The following FCF1 variants were observed in gnomAD, a reference collection of about 807,000 sequenced individuals.
FCF1 encodes the protein FCF1 rRNA-processing protein.
In FCF1, 17 loss-of-function variants were observed where a neutral mutation model predicts 32.5. That is an observed-to-expected ratio of 0.52 (90% CI 0.36 to 0.78). The LOEUF is 0.78. FCF1 is among the 30% of genes least tolerant of loss of function. The pLI is 0.00. For missense variants in FCF1, 201 were observed against 241.1 expected (o/e 0.83, Z 1.10); for synonymous variants, 84 against 78.4 (o/e 1.07, Z -0.38).
At chr14:74,715,696 T>G in intron 3 of FCF1, 1 of 630,302 alleles carries the variant, frequency 1.6e-6, no homozygotes, top group Non-Finnish European at 2.7e-6. Flanking sequence ...AAGAGCTAGA[T>G]TGGATAATTG....
intron 4 of FCF1, among the ~76,000 whole-genome samples, chr14:74,717,068 C>G (rs997668171): frequency 6.6e-6 from 1 of 152,058 alleles, no homozygotes. Context: ...GTGGCTCATA[C>G]CTGTAATCCC....
At chr14:74,726,059 T>A (rs2090574194) in intron 5 of FCF1, among the ~76,000 whole-genome samples, 1 of 151,666 alleles carries the variant, frequency 6.6e-6, no homozygotes, top group South Asian at 2.1e-4. Flanking sequence ...ACCTTGTCTC[T>A]TTAAAAAAGA....
chr14:74,733,775 A>G (rs1298296350), intron 6 of FCF1, among the ~76,000 whole-genome samples: 2 of 152,180 alleles, frequency 1.3e-5, no homozygotes, highest in Non-Finnish European at 2.9e-5. Context: ...GTCTGCCCCA[A>G]GTGTGAAAGT....
At chr14:74,733,504 G>C (rs1385107742) in intron 6 of FCF1, among the ~76,000 whole-genome samples, 1 of 152,152 alleles carries the variant, frequency 6.6e-6, no homozygotes, top group Non-Finnish European at 1.5e-5. Flanking sequence ...AGTCAGACGT[G>C]ACAGATGTGA....
intron 5 of FCF1, among the ~76,000 whole-genome samples, chr14:74,732,151 A>C (rs1243509577): frequency 7.1e-6 from 1 of 141,752 alleles, no homozygotes; most frequent in Non-Finnish European, 1.5e-5. Flanking sequence ...TAATTAAATC[A>C]TATTATATAT....
intron 5 of FCF1, 135 bp downstream of exon 5, chr14:74,723,479 G>A: frequency 3.3e-6 from 2 of 610,612 alleles, no homozygotes; most frequent in East Asian, 6.5e-5. Flanking sequence ...GGGTTGTTTT[G>A]GTCTTTCTCT....
chr14:74,723,859 A>AT (rs2090541155), intron 5 of FCF1, among the ~76,000 whole-genome samples: 1 of 152,256 alleles, frequency 6.6e-6, no homozygotes, highest in Non-Finnish European at 1.5e-5. Flanking sequence ...AATACAGAGA[A>AT]TATCTTAATG....
At chr14:74,721,088 G>A (rs924309710) in intron 4 of FCF1, among the ~76,000 whole-genome samples, 3 of 146,308 alleles carry the variant, frequency 2.1e-5, no homozygotes, top group East Asian at 2.0e-4. Context: ...TCTGTTACCC[G>A]GGTTGGAGTG....
chr14:74,718,968 A>G (rs930004917), intron 4 of FCF1, among the ~76,000 whole-genome samples: 1 of 151,656 alleles, frequency 6.6e-6, no homozygotes, highest in Non-Finnish European at 1.5e-5. Context: ...CATCTCTACT[A>G]AAAATACAAA....
chr14:74,713,992 C>T (rs2090374416), intron 2 of FCF1, among the ~76,000 whole-genome samples: 1 of 152,178 alleles, frequency 6.6e-6, no homozygotes, highest in South Asian at 2.1e-4. Context: ...AATGGGAAAA[C>T]TCCAAGATAT....
At chr14:74,713,377 C>A in intron 1 of FCF1, 108 bp from the exon 2 acceptor site, 2 of 1,544,776 alleles carry the variant, frequency 1.3e-6, no homozygotes, top group Non-Finnish European at 1.8e-6. Flanking sequence ...GGAAGAGGGT[C>A]TGGGTTATTT....
At position 74,735,711 on chromosome 14, in the gene FCF1, A is replaced by AGTAGGTG. The variant is rs2090698660; in HGVS notation, c.*782_*783insTAGGTGG. Reference sequence around the variant, plus strand: ...CAGCCTCCCGAGTAGCTGGGATTACAGGTACACACCACCATGCTCAACTAA... The same window carrying AGTAGGTG: ...CAGCCTCCCGAGTAGCTGGGATTACAGTAGGTGGGTACACACCACCATGCTCAACTAA... On this transcript the variant is annotated 3_prime_UTR_variant, in exon 8 of 8. Coordinates refer to ENST00000341162, the MANE Select transcript of FCF1 (RefSeq NM_015962.5). The AGTAGGTG allele has an allele frequency of 6.6e-6, 1 of 151,768 alleles. No individual in the cohort carries two copies. Among genetic ancestry groups the AGTAGGTG allele is most frequent in the African/African-American group, 2.4e-5 (1 of 41,130 alleles). The allele number at this position is 151,768 out of a possible 1,614,324, so 9.4% of individuals were successfully genotyped here. A position where few individuals can be genotyped will look rare whatever the true frequency, so the allele number is the denominator to read the frequency against.
intron 4 of FCF1, among the ~76,000 whole-genome samples, chr14:74,719,295 TAAA>T (rs1199789675): frequency 2.7e-4 from 38 of 141,740 alleles, no homozygotes; most frequent in Admixed American, 6.9e-4. Context: ...ACCCTGTCTT[TAAA>T]AAAAAAAAAA....
At chr14:74,727,269 T>C (rs1429554048) in intron 5 of FCF1, among the ~76,000 whole-genome samples, 34 of 151,916 alleles carry the variant, frequency 2.2e-4, no homozygotes, top group Non-Finnish European at 1.6e-4. Flanking sequence ...CCAGCACCTG[T>C]TGTTTCCTGA....
intron 6 of FCF1, among the ~76,000 whole-genome samples, chr14:74,733,269 A>G (rs2090661061): frequency 6.6e-6 from 1 of 152,198 alleles, no homozygotes; most frequent in Admixed American, 6.5e-5. Context: ...TTTCACACAT[A>G]CCCTAGAATA....
At chr14:74,719,496 C>T (rs150039220) in intron 4 of FCF1, among the ~76,000 whole-genome samples, 43 of 152,082 alleles carry the variant, frequency 2.8e-4, no homozygotes, top group African/African-American at 9.6e-4. Context: ...CATGGTGGCT[C>T]ATGCCTGTAA....
At chr14:74,720,629 G>A (rs1013063483) in intron 4 of FCF1, among the ~76,000 whole-genome samples, 1 of 151,776 alleles carries the variant, frequency 6.6e-6, no homozygotes, top group Non-Finnish European at 1.5e-5. Context: ...ATTTTTCCAT[G>A]GCATGTATAT....
At chr14:74,726,060 T>C (rs2090574226) in intron 5 of FCF1, among the ~76,000 whole-genome samples, 1 of 151,604 alleles carries the variant, frequency 6.6e-6, no homozygotes, top group Non-Finnish European at 1.5e-5. Context: ...CCTTGTCTCT[T>C]TAAAAAAGAA....
At chr14:74,718,955 C>T (rs974593656) in intron 4 of FCF1, among the ~76,000 whole-genome samples, 2 of 151,538 alleles carry the variant, frequency 1.3e-5, no homozygotes, top group Non-Finnish European at 2.9e-5. Context: ...CATGGTGAAA[C>T]CCCATCTCTA....
Sources: gnomAD v4.1 joint callset for allele counts (sites outside exome capture counted in the v4.1 genomes callset) on GRCh38, gnomAD v4.1.1 for gene constraint, MANE v1.5 for transcripts, NCBI Gene and HGNC (gene_info 2026-07-23, HGNC 2026-07-21) for gene names.